ADGRL3: variants seen among roughly 807,000 people sequenced by gnomAD.
The protein encoded by ADGRL3 is adhesion G protein-coupled receptor L3.
Under a neutral mutation model 153.5 loss-of-function variants are expected in ADGRL3, and 62 were observed. The ratio of observed to expected loss-of-function variants is 0.40; its 90% CI spans 0.33 to 0.50. The LOEUF is 0.50. Ranked by LOEUF, ADGRL3 falls within the 20% of genes least tolerant of loss-of-function variation. The pLI, the probability that ADGRL3 is intolerant of heterozygous loss-of-function variation, is 0.47. For missense variants in ADGRL3, 1,641 were observed against 1,859.4 expected, an observed-to-expected ratio of 0.88 and a Z score of 2.16; for synonymous variants, 710 against 672.5, an observed-to-expected ratio of 1.06 and a Z score of -0.86.
At chr4:61,792,980 CA>C (rs578014832) in intron 8 of ADGRL3, among the ~76,000 whole-genome samples, 1,622 of 130,466 alleles carry the variant, frequency 0.012, 6 homozygotes, top group African/African-American at 0.024. Context: ...GGCAATTTAC[CA>C]AAAAAAAAAA....
intron 8 of ADGRL3, among the ~76,000 whole-genome samples, chr4:61,734,129 A>G (rs1429455296): frequency 6.6e-6 from 1 of 152,208 alleles, no homozygotes; most frequent in Non-Finnish European, 1.5e-5. Context: ...CTCAATTTGT[A>G]TAAGACATTG....
intron 2 of ADGRL3, among the ~76,000 whole-genome samples, chr4:61,466,577 G>A (rs2152649963): frequency 6.6e-6 from 1 of 152,220 alleles, no homozygotes; most frequent in African/African-American, 2.4e-5. Context: ...GTACTATTTG[G>A]AAAATTAAAT....
At chr4:61,752,956 T>G (rs562285240) in intron 8 of ADGRL3, among the ~76,000 whole-genome samples, 1 of 152,164 alleles carries the variant, frequency 6.6e-6, no homozygotes, top group South Asian at 2.1e-4. Flanking sequence ...GTATTCAGCA[T>G]GCCAAGGTGC....
chr4:61,809,655 A>G (rs1308287511), intron 8 of ADGRL3, among the ~76,000 whole-genome samples: 5 of 152,076 alleles, frequency 3.3e-5, no homozygotes, highest in Admixed American at 6.6e-5. Flanking sequence ...TCTTGCACAT[A>G]TGATATAATT....
chr4:61,350,237 C>A (rs1035376567), intron 1 of ADGRL3, among the ~76,000 whole-genome samples: 2 of 151,634 alleles, frequency 1.3e-5, no homozygotes, highest in Non-Finnish European at 2.9e-5. Context: ...ATAGTACAGT[C>A]ATTATTGTCC....
At chr4:61,933,761 ACAC>A (rs2098827258) in intron 13 of ADGRL3, 1 of 152,120 alleles carries the variant, frequency 6.6e-6, no homozygotes, top group African/African-American at 2.4e-5. Context: ...CCAGGAGAAA[ACAC>A]TGCATTGTGG....
intron 2 of ADGRL3, among the ~76,000 whole-genome samples, chr4:61,430,529 T>G (rs1456871): frequency 0.39 from 59,803 of 152,056 alleles, 12,318 homozygotes; most frequent in Middle Eastern, 0.57. Context: ...AATATTGAAT[T>G]CAAATGAAAA....
chr4:61,676,396 G>A (rs2095193676), intron 5 of ADGRL3, among the ~76,000 whole-genome samples: 1 of 151,824 alleles, frequency 6.6e-6, no homozygotes. Context: ...TAAAATGAAT[G>A]TCATCATAGT....
intron 8 of ADGRL3, among the ~76,000 whole-genome samples, chr4:61,761,146 T>C (rs1375576066): frequency 1.3e-5 from 2 of 152,202 alleles, no homozygotes; most frequent in African/African-American, 2.4e-5. Flanking sequence ...ACACTGATCT[T>C]AGGAGTAGTT....
intron 9 of ADGRL3, among the ~76,000 whole-genome samples, chr4:61,817,564 C>T (rs2148670985): frequency 6.6e-6 from 1 of 152,192 alleles, no homozygotes; most frequent in African/African-American, 2.4e-5. Context: ...CACTTCAGGT[C>T]TCCTGAGAGC....
At chr4:61,987,661 G>C (rs943621879) in intron 19 of ADGRL3, among the ~76,000 whole-genome samples, 5 of 152,076 alleles carry the variant, frequency 3.3e-5, no homozygotes, top group African/African-American at 1.2e-4. Flanking sequence ...CCAGAAATCA[G>C]AGATATATTG....
At chr4:61,819,158 CTA>C (rs956384926) in intron 9 of ADGRL3, among the ~76,000 whole-genome samples, 2 of 152,084 alleles carry the variant, frequency 1.3e-5, no homozygotes, top group African/African-American at 4.8e-5. Flanking sequence ...ACATACATCT[CTA>C]TATCTATCTG....
intron 8 of ADGRL3, among the ~76,000 whole-genome samples, chr4:61,802,976 C>T (rs988363410): frequency 2.6e-5 from 4 of 151,972 alleles, no homozygotes; most frequent in African/African-American, 9.7e-5. Context: ...ATACTGTTTC[C>T]TTGAAGGAAG....
chr4:61,877,985 A>G (rs1232662176), intron 9 of ADGRL3, among the ~76,000 whole-genome samples: 2 of 152,078 alleles, frequency 1.3e-5, no homozygotes, highest in African/African-American at 4.8e-5. Context: ...GTCATGTTAG[A>G]CATGCCTTGC....
intron 9 of ADGRL3, among the ~76,000 whole-genome samples, chr4:61,819,452 A>G (rs2097726174): frequency 6.6e-6 from 1 of 151,822 alleles, no homozygotes. Context: ...TTTTCCCCTT[A>G]CTCCATTCAC....
At chr4:61,939,526 G>C (rs1424177048) in intron 15 of ADGRL3, among the ~76,000 whole-genome samples, 1 of 149,760 alleles carries the variant, frequency 6.7e-6, no homozygotes, top group Non-Finnish European at 1.5e-5. Flanking sequence ...CTGGGATGCA[G>C]TGGCACAATC....
intron 1 of ADGRL3, among the ~76,000 whole-genome samples, chr4:61,342,325 T>C (rs116639600): frequency 7.6e-4 from 115 of 152,314 alleles, no homozygotes; most frequent in African/African-American, 2.7e-3. Flanking sequence ...TTATTTACTT[T>C]ATAGTCTATA....
At position 61,202,557 on chromosome 4, in the gene ADGRL3, C is replaced by A. The variant is rs1735228087; in HGVS notation, c.-240+792C>A. On this transcript the variant is annotated intron_variant, in intron 1 of 26. Transcript: ENST00000683033. This position sits in a 1 kb window ranked among gnomAD's most constrained non-coding sequence, Gnocchi z 5.0. ...AATCCGGGCGGCCGCGGCGCCGGGG[C>A]GGGGTGGGCAGAGCATTGGTGGTCG... 6.6e-6 allele frequency among the ~76,000 whole-genome samples: 1 copy of A among 151,436 alleles called. No individual in the cohort carries two copies. The highest frequency in any genetic ancestry group is 2.4e-5 in the African/African-American group (1 of 41,234).
At chr4:61,996,024 G>A (rs956745625) in intron 19 of ADGRL3, among the ~76,000 whole-genome samples, 11 of 151,144 alleles carry the variant, frequency 7.3e-5, no homozygotes, top group African/African-American at 2.4e-4. Context: ...TTTTTTAAAA[G>A]TTTCTATGAC....
Sources: allele counts gnomAD v4.1 joint callset (sites outside exome capture counted in the v4.1 genomes callset), GRCh38; gene constraint gnomAD v4.1.1; non-coding constraint Gnocchi (gnomAD v3.1); transcripts MANE v1.5; gene names NCBI Gene and HGNC (gene_info 2026-07-23, HGNC 2026-07-21).